Variants in UBA3 observed in about 807,000 individuals in gnomAD.
UBA3 encodes ubiquitin like modifier activating enzyme 3.
In UBA3, 26 loss-of-function variants were observed where a neutral mutation model predicts 73.5. The observed-to-expected ratio is 0.35, with a 90% confidence interval of 0.26 to 0.49. The LOEUF is 0.49. UBA3 is among the 20% of genes least tolerant of loss of function. The probability of loss-of-function intolerance (pLI) is 0.98; values close to 1 mark genes in which losing one functional copy is unlikely to be tolerated. For synonymous variants in UBA3, 217 were observed against 191.2 expected (o/e 1.13, Z -1.11); for missense variants, 495 against 555.6 (o/e 0.89, Z 1.10).
At chr3:69,068,297 C>T (rs1396447043) in intron 5 of UBA3, among the ~76,000 whole-genome samples, 3 of 151,990 alleles carry the variant, frequency 2.0e-5, no homozygotes, top group African/African-American at 7.2e-5. Context: ...CATAATAATG[C>T]TATGATTCCT....
chr3:69,062,840 A>G (rs1209230194), intron 9 of UBA3, 142 bp downstream of exon 9: 7 of 1,033,276 alleles, frequency 6.8e-6, no homozygotes, highest in South Asian at 3.6e-5. Context: ...GCAGAATTTC[A>G]TATTTTATCT....
chr3:69,079,715 A>T, intron 2 of UBA3: 2 of 224,778 alleles, frequency 8.9e-6, no homozygotes, highest in Non-Finnish European at 1.7e-5. Flanking sequence ...CTACTGTCTC[A>T]GTGTTTGCAA....
chr3:69,063,364 A>T, intron 8 of UBA3, 75 bp downstream of exon 8: 1 of 1,448,122 alleles, frequency 6.9e-7, no homozygotes, highest in Non-Finnish European at 9.4e-7. Flanking sequence ...TCAAAAATAT[A>T]TCAATTCTAA....
At chr3:69,060,284 G>GA (rs1451413440) in intron 11 of UBA3, among the ~76,000 whole-genome samples, 1 of 147,252 alleles carries the variant, frequency 6.8e-6, no homozygotes, top group African/African-American at 2.5e-5. Flanking sequence ...TGGATATTAA[G>GA]AAAAACAAAA....
At chr3:69,071,661 A>G (rs753343918) in intron 4 of UBA3, 44 bp from the exon 5 acceptor site, 6 of 1,241,740 alleles carry the variant, frequency 4.8e-6, no homozygotes, top group East Asian at 2.5e-5. Flanking sequence ...GTTTCCTCAC[A>G]TTTAAAAACG....
At chr3:69,060,749 G>A (rs2092014912) in intron 11 of UBA3, among the ~76,000 whole-genome samples, 1 of 152,150 alleles carries the variant, frequency 6.6e-6, no homozygotes, top group Admixed American at 6.5e-5. Flanking sequence ...GGACCGTTAG[G>A]GCAGATCCCA....
chr3:69,059,474 G>A (rs1165845246), intron 11 of UBA3, among the ~76,000 whole-genome samples: 1 of 152,160 alleles, frequency 6.6e-6, no homozygotes, highest in African/African-American at 2.4e-5. Flanking sequence ...TGGCTCAGAA[G>A]TCATTTTAGG....
Position 69,067,972 on chromosome 3 carries a change from A to G in UBA3, c.384T>C (p.Ala128=). The change falls in exon 6 of 18, where the codon GCT becomes GCC. Residue 128 remains alanine (A), a synonymous_variant. Transcript: ENST00000361055. ...GAACTCTGTCATTTAGAAATTCTGCAGCAACTTCAGCCTTAGGTCTTCCAA... is the reference window on the plus strand; with the variant it reads ...GAACTCTGTCATTTAGAAATTCTGCGGCAACTTCAGCCTTAGGTCTTCCAA... The part of the protein sequence containing the change: ...KDIGRPKAEV[A]AEFLNDRVPN... 1 of 1,607,484 alleles carries G rather than the reference A, an allele frequency of 6.2e-7. No homozygotes were observed. Among genetic ancestry groups the G allele is most frequent in the Non-Finnish European group, 8.5e-7 (1 of 1,176,522 alleles).
At chr3:69,074,714 T>C (rs1018774436) in intron 4 of UBA3, among the ~76,000 whole-genome samples, 3 of 152,126 alleles carry the variant, frequency 2.0e-5, no homozygotes, top group Non-Finnish European at 2.9e-5. Context: ...CATAAACTCA[T>C]TAAAATTTAT....
At chr3:69,073,331 A>G (rs1373438320) in intron 4 of UBA3, among the ~76,000 whole-genome samples, 1 of 152,190 alleles carries the variant, frequency 6.6e-6, no homozygotes, top group Non-Finnish European at 1.5e-5. Flanking sequence ...GTCCTTGAAC[A>G]AACAGGAGTG....
intron 11 of UBA3, among the ~76,000 whole-genome samples, chr3:69,060,635 C>G (rs1457884350): frequency 6.6e-6 from 1 of 152,178 alleles, no homozygotes; most frequent in Admixed American, 6.5e-5. Context: ...TGAAGCTGTA[C>G]AACATATCAA....
intron 2 of UBA3, among the ~76,000 whole-genome samples, chr3:69,078,290 A>G (rs2092185530): frequency 6.6e-6 from 1 of 152,192 alleles, no homozygotes; most frequent in Non-Finnish European, 1.5e-5. Flanking sequence ...CTGTTGTTTC[A>G]TCACACTTGC....
intron 4 of UBA3, among the ~76,000 whole-genome samples, chr3:69,074,395 T>G (rs2092146897): frequency 6.6e-6 from 1 of 152,176 alleles, no homozygotes; most frequent in Non-Finnish European, 1.5e-5. Flanking sequence ...CAATGAAACT[T>G]CAGATTGATT....
At chr3:69,080,306 G>A (rs755028368) in intron 1 of UBA3, 28 bp downstream of exon 1, 5 of 1,603,740 alleles carry the variant, frequency 3.1e-6, no homozygotes, top group East Asian at 2.2e-5. Flanking sequence ...AGCCCAGCCC[G>A]GCGCGTCTGC....
At chr3:69,071,028 CTT>C (rs2092118604) in intron 5 of UBA3, 2 of 156,758 alleles carry the variant, frequency 1.3e-5, no homozygotes, top group Non-Finnish European at 2.8e-5. Flanking sequence ...AACCATCCCT[CTT>C]TGTTCCATTC....
chr3:69,065,009 T>C (rs1219797762), intron 6 of UBA3, among the ~76,000 whole-genome samples: 1 of 152,184 alleles, frequency 6.6e-6, no homozygotes, highest in African/African-American at 2.4e-5. Context: ...ATTTCAATTC[T>C]AGCCCTCAGT....
rs2091960013 is a variant in UBA3 at position 69,054,847 on chromosome 3, C to A, written c.*590G>T. ...TAGTTAATATTGTGCATATTGGCCT[C>A]TATGGCACTACAAGTAAACAGATGA... On this transcript the variant is annotated 3_prime_UTR_variant, in exon 18 of 18. Coordinates refer to ENST00000361055, the MANE Select transcript of UBA3 (RefSeq NM_003968.4). 1 of 152,200 alleles carries A rather than the reference C, an allele frequency of 6.6e-6. No individual in the cohort carries two copies. Among genetic ancestry groups the A allele is most frequent in the Admixed American group, 6.5e-5 (1 of 15,274 alleles). The allele number at this position is 152,200 out of a possible 1,614,324, so 9.4% of individuals were successfully genotyped here. A position where few individuals can be genotyped will look rare whatever the true frequency, so the allele number is the denominator to read the frequency against.
chr3:69,080,310 CG>C, intron 1 of UBA3, 23 bp downstream of exon 1: 1 of 1,604,064 alleles, frequency 6.2e-7, no homozygotes. Context: ...CAGCCCGGCG[CG>C]TCTGCAGAGC....
chr3:69,067,937 T>C lies in UBA3; in HGVS notation c.419A>G (p.Asn140Ser). The C allele has an allele frequency of 4.4e-6, 7 of 1,605,634 alleles. No individual in the cohort carries two copies. Among genetic ancestry groups the C allele is most frequent in the South Asian group, 3.3e-5 (3 of 89,798 alleles). The change falls in exon 6 of 18, where the codon AAT becomes AGT. Residue 140 changes from asparagine (N) to serine (S), a missense_variant. By Grantham distance (46) the Asn-to-Ser change is conservative (BLOSUM62 1). Transcript: ENST00000361055. ...EFLNDRVPNC[N>S]VVPHFNKIQD... ...TTTGTCAAAAGGATACGGAACTACA[T>C]TGCAATTAGGAACTCTGTCATTTAG...
Sources: gnomAD v4.1 joint callset for allele counts (sites outside exome capture counted in the v4.1 genomes callset) on GRCh38, gnomAD v4.1.1 for gene constraint, MANE v1.5 for transcripts, NCBI Gene and HGNC (gene_info 2026-07-23, HGNC 2026-07-21) for gene names.